GRM3: variants seen among roughly 807,000 people sequenced by gnomAD.
The protein encoded by GRM3 is glutamate metabotropic receptor 3.
In GRM3, 26 loss-of-function variants were observed where a neutral mutation model predicts 70.5. That is an observed-to-expected ratio of 0.37 (90% CI 0.27 to 0.51). The LOEUF is 0.51. Among genes scored for constraint, GRM3 ranks in the 20% least tolerant of loss-of-function variants. GRM3 has a pLI of 0.93. For synonymous variants in GRM3, 443 were observed against 434.9 expected (o/e 1.02, Z -0.23); for missense variants, 859 against 1,123.8 (o/e 0.76, Z 3.37).
intron 1 of GRM3, among the ~76,000 whole-genome samples, chr7:86,670,801 A>G (rs1305720630): frequency 6.6e-6 from 1 of 152,014 alleles, no homozygotes; most frequent in Admixed American, 6.6e-5. Flanking sequence ...TCTAATTTAC[A>G]TTTTCATGCT....
In GRM3 at chr7:86,846,447, A is replaced by G. The variant is rs185299429; in HGVS notation, c.2392-3923A>G. Reference sequence around the variant, plus strand: ...TCTCTGAAAGTCTCTCTCTCTCTCAATGCTCAGTGAAGGTACATGTCTCTG... The same window carrying G: ...TCTCTGAAAGTCTCTCTCTCTCTCAGTGCTCAGTGAAGGTACATGTCTCTG... On this transcript the variant is annotated intron_variant, in intron 4 of 5. Coordinates refer to ENST00000361669, the MANE Select transcript of GRM3 (RefSeq NM_000840.3). Among the ~76,000 whole-genome samples, 5 of 152,208 alleles carry G rather than the reference A, an allele frequency of 3.3e-5. No homozygotes were observed. In the East Asian group the frequency reaches 5.8e-4, roughly 18 times the overall value.
chr7:86,720,760 G>A (rs544348935), intron 1 of GRM3, among the ~76,000 whole-genome samples: 30 of 116,332 alleles, frequency 2.6e-4, no homozygotes, highest in Admixed American at 8.6e-4. Context: ...CCTTAAATAC[G>A]TCCACTTAGA....
intron 3 of GRM3, among the ~76,000 whole-genome samples, chr7:86,808,369 C>T (rs1797839530): frequency 6.6e-6 from 1 of 152,100 alleles, no homozygotes; most frequent in South Asian, 2.1e-4. Flanking sequence ...GTGAATCCGT[C>T]TGGTCCTGGA....
intron 5 of GRM3, among the ~76,000 whole-genome samples, chr7:86,860,176 AC>A (rs989358785): frequency 3.3e-5 from 5 of 152,212 alleles, no homozygotes; most frequent in Admixed American, 6.5e-5. Context: ...GGCTAAACTT[AC>A]ACCATTAAAA....
At chr7:86,679,091 G>A (rs1794380761) in intron 1 of GRM3, among the ~76,000 whole-genome samples, 1 of 152,014 alleles carries the variant, frequency 6.6e-6, no homozygotes, top group South Asian at 2.1e-4. Flanking sequence ...AATATGTCAT[G>A]TAACCCTTGA....
chr7:86,841,815 G>A (rs1321022499), intron 4 of GRM3, among the ~76,000 whole-genome samples: 1 of 152,126 alleles, frequency 6.6e-6, no homozygotes, highest in Non-Finnish European at 1.5e-5. Flanking sequence ...TAGCAATAGA[G>A]TAGAACAACT....
At chr7:86,665,929 T>C (rs1298860314) in intron 1 of GRM3, among the ~76,000 whole-genome samples, 1 of 152,086 alleles carries the variant, frequency 6.6e-6, no homozygotes. Flanking sequence ...GTTTTAGGAC[T>C]ACACAATAAT....
intron 2 of GRM3, among the ~76,000 whole-genome samples, chr7:86,770,632 T>G (rs1439221341): frequency 6.6e-6 from 1 of 152,146 alleles, no homozygotes; most frequent in African/African-American, 2.4e-5. Flanking sequence ...CCACCGCTGG[T>G]CAATTTGTAT....
chr7:86,836,533 GAAGTGTGGGGAA>G (rs1798460464), intron 3 of GRM3, among the ~76,000 whole-genome samples: 1 of 152,038 alleles, frequency 6.6e-6, no homozygotes, highest in African/African-American at 2.4e-5. Context: ...CCTACTAATG[GAAGTGTGGGGAA>G]AAGGATGGAG....
chr7:86,736,533 A>G (rs1446197189), intron 1 of GRM3, among the ~76,000 whole-genome samples: 4 of 152,130 alleles, frequency 2.6e-5, no homozygotes, highest in Non-Finnish European at 5.9e-5. Flanking sequence ...CTGGAGTGCC[A>G]CTTGTGTATT....
chr7:86,770,438 A>G (rs868490158), intron 2 of GRM3, among the ~76,000 whole-genome samples: 2 of 152,132 alleles, frequency 1.3e-5, no homozygotes, highest in South Asian at 2.1e-4. Context: ...TTACTATCAC[A>G]TAGTATAACA....
intron 5 of GRM3, among the ~76,000 whole-genome samples, chr7:86,853,594 C>T (rs574469751): frequency 3.2e-4 from 49 of 152,246 alleles, no homozygotes; most frequent in South Asian, 2.9e-3. Flanking sequence ...AATGTTAGCA[C>T]TTTATTTCAT....
At chr7:86,802,966 T>C (rs1797714889) in intron 3 of GRM3, among the ~76,000 whole-genome samples, 2 of 152,208 alleles carry the variant, frequency 1.3e-5, no homozygotes, top group African/African-American at 4.8e-5. Flanking sequence ...ATCACAAAGT[T>C]TTGTTTACAG....
chr7:86,664,967 A>G (rs1441295711), intron 1 of GRM3, among the ~76,000 whole-genome samples: 1 of 152,016 alleles, frequency 6.6e-6, no homozygotes, highest in Non-Finnish European at 1.5e-5. Flanking sequence ...GAGCTTTCTT[A>G]TTTCTTTTTC....
chr7:86,820,175 C>A (rs970046267), intron 3 of GRM3, among the ~76,000 whole-genome samples: 1 of 152,106 alleles, frequency 6.6e-6, no homozygotes, highest in African/African-American at 2.4e-5. Flanking sequence ...TGGCTCATAG[C>A]ATATAGAAAG....
chr7:86,756,299 G>C (rs1004024484), intron 1 of GRM3, among the ~76,000 whole-genome samples: 3 of 151,964 alleles, frequency 2.0e-5, no homozygotes, highest in African/African-American at 7.3e-5. Context: ...GGCTGGTCTC[G>C]AACTCCTGAC....
chr7:86,669,278 C>G (rs1222047061), intron 1 of GRM3, among the ~76,000 whole-genome samples: 1 of 152,136 alleles, frequency 6.6e-6, no homozygotes, highest in African/African-American at 2.4e-5. Context: ...CAGTATTTTT[C>G]AAATCTTCTC....
intron 1 of GRM3, among the ~76,000 whole-genome samples, chr7:86,730,508 A>C (rs1370770413): frequency 6.6e-6 from 1 of 152,246 alleles, no homozygotes; most frequent in Non-Finnish European, 1.5e-5. Context: ...ATGGCCCAGC[A>C]GTTGACTTCT....
rs146524974 is a variant in GRM3, at chr7:86,844,136, G to T, written c.2391+4231G>T. On this transcript the variant is annotated intron_variant, in intron 4 of 5. Transcript: ENST00000361669. The stretch of plus-strand genomic sequence containing the variant: ...GAATTGACTCTAGAATTTTGACAAG[G>T]TTCAAATACTTACAAAGAAATTCCT... Among the ~76,000 whole-genome samples, 6 of 152,212 alleles carry T rather than the reference G, an allele frequency of 3.9e-5. No homozygotes were observed. In the East Asian group the frequency reaches 1.2e-3, roughly 29 times the overall value.
Sources: gnomAD v4.1 joint callset for allele counts (sites outside exome capture counted in the v4.1 genomes callset) on GRCh38, gnomAD v4.1.1 for gene constraint, MANE v1.5 for transcripts, NCBI Gene and HGNC (gene_info 2026-07-23, HGNC 2026-07-21) for gene names.